The following LVRN variants were observed in gnomAD, a reference collection of about 807,000 sequenced individuals.
LVRN encodes laeverin.
LVRN carries 99 observed loss-of-function variants against 111.4 expected under a neutral mutation model. The observed-to-expected ratio is 0.89, with a 90% CI of 0.76 to 1.05. The LOEUF is 1.05. Among genes scored for constraint, LVRN ranks in the 50% least tolerant of loss-of-function variants. The pLI, the probability that LVRN is intolerant of heterozygous loss-of-function variation, is 0.00. For synonymous variants in LVRN, 488 were observed against 449.5 expected, an observed-to-expected ratio of 1.09 and a Z score of -1.08; for missense variants, 1,414 against 1,206.8, an observed-to-expected ratio of 1.17 and a Z score of -2.54.
In LVRN at chr5:116,015,313, G is replaced by C; in HGVS notation, c.2512G>C (p.Glu838Gln). The C allele has an allele frequency of 6.2e-7, 1 of 1,612,396 alleles. No individual in the cohort carries two copies. The highest frequency in any genetic ancestry group is 1.3e-5 in the African/African-American group (1 of 75,006). ...CYGIALGSDKEWDILLNTYTN... is the reference protein window; with the variant it reads ...CYGIALGSDKQWDILLNTYTN... The stretch of plus-strand genomic sequence containing the variant: ...TGGCATTGCCTTGGGAAGTGATAAA[G>C]AGTGGGACATCTTGTTAAATACTTA... Residue 838 changes from glutamate (E) to glutamine (Q), a missense_variant, in exon 17 of 20, where the codon GAG (glutamate) becomes CAG (glutamine). By Grantham distance (29) the Glu-to-Gln change is conservative (BLOSUM62 2). Transcript: ENST00000357872.
In LVRN at chr5:116,015,782, G is replaced by T. The variant is rs1274965106; in HGVS notation, c.2756+17G>T. ...GAGTAAAAGGTAAGAAGGAAAGTGAGACCTTTCTTTCATTTAGGCCACTGG... is the reference window on the plus strand; with the variant it reads ...GAGTAAAAGGTAAGAAGGAAAGTGATACCTTTCTTTCATTTAGGCCACTGG... On this transcript the variant is annotated intron_variant, in intron 18 of 19. Transcript: ENST00000357872. The T allele has an allele frequency of 6.2e-7, 1 of 1,611,214 alleles. No individual in the cohort carries two copies. The highest frequency in any genetic ancestry group is 1.7e-5 in the Admixed American group (1 of 59,646).
chr5:116,010,925 A>G (rs780796200), intron 14 of LVRN, 31 bp downstream of exon 14: 42 of 1,486,446 alleles, frequency 2.8e-5, no homozygotes, highest in Middle Eastern at 2.4e-4. Flanking sequence ...GTAGTTTTTA[A>G]ATAAATCCTC....
At chr5:116,007,687 A>G (rs1541803) in intron 13 of LVRN, among the ~76,000 whole-genome samples, 117,170 of 152,110 alleles carry the variant, frequency 0.77, 45,772 homozygotes, top group Non-Finnish European at 0.83. Flanking sequence ...GTTTTATTGT[A>G]CTTTGCTTTA....
intron 6 of LVRN, among the ~76,000 whole-genome samples, chr5:115,999,377 G>C (rs1368498859): frequency 6.6e-6 from 1 of 152,122 alleles, no homozygotes; most frequent in Non-Finnish European, 1.5e-5. Flanking sequence ...ATTCATGAAA[G>C]AGAGACTGAT....
Position 115,992,150 on chromosome 5 carries a change from A to G in LVRN, c.1133A>G (p.Asn378Ser), listed in dbSNP as rs1475455674. The change falls in exon 5 of 20, where the codon AAC (asparagine) becomes AGC (serine). Residue 378 changes from asparagine to serine, a missense_variant. Coordinates refer to ENST00000357872, the MANE Select transcript of LVRN (RefSeq NM_173800.5). ...TDIIALPSFD[N>S]HAMENWGLMI... is the part of the protein sequence containing the mutation. ...ATAATTGCCTTGCCTAGTTTTGACA[A>G]CCATGCAATGGAAAACTGGGGACTA... 1 of 1,613,656 alleles carries G rather than the reference A, an allele frequency of 6.2e-7. No homozygotes were observed. The highest frequency in any genetic ancestry group is 2.2e-5 in the East Asian group (1 of 44,866).
intron 12 of LVRN, 92 bp downstream of exon 12, chr5:116,003,472 C>A: frequency 1.2e-6 from 1 of 828,254 alleles, no homozygotes; most frequent in Non-Finnish European, 1.7e-6. Context: ...GAAGAGATTC[C>A]ACCTTCATTC....
At chr5:116,024,569 G>A (rs892068976) in intron 19 of LVRN, among the ~76,000 whole-genome samples, 3 of 152,128 alleles carry the variant, frequency 2.0e-5, no homozygotes, top group Non-Finnish European at 4.4e-5. Context: ...AGAACATGCT[G>A]GTACAAAAGC....
intron 14 of LVRN, 56 bp downstream of exon 14, chr5:116,010,950 T>A: frequency 7.6e-7 from 1 of 1,317,028 alleles, no homozygotes; most frequent in Non-Finnish European, 9.9e-7. Flanking sequence ...CTTCTTTTCA[T>A]ATTTTAGCCA....
Position 115,977,010 on chromosome 5 carries a change from A to G in LVRN, c.696-6277A>G, listed in dbSNP as rs1329639632. On this transcript the variant is annotated intron_variant, in intron 1 of 19. Coordinates refer to ENST00000357872, the MANE Select transcript of LVRN (RefSeq NM_173800.5). ...GTTGAATAATCTATATATTCTGAAGATTTCAATACTCTGGCTTGAGAAAAT... is the reference window on the plus strand; with the variant it reads ...GTTGAATAATCTATATATTCTGAAGGTTTCAATACTCTGGCTTGAGAAAAT... 3.9e-5 allele frequency among the ~76,000 whole-genome samples: 6 copies of G among 152,146 alleles called. No individual in the cohort carries two copies. In the East Asian group the frequency reaches 1.2e-3, roughly 29 times the overall value.
chr5:115,963,673 A>C (rs1343095552), intron 1 of LVRN, among the ~76,000 whole-genome samples: 1 of 152,146 alleles, frequency 6.6e-6, no homozygotes, highest in Non-Finnish European at 1.5e-5. Context: ...ACACTTGGAC[A>C]CAGGAAGGGG....
chr5:115,990,980 C>T (rs967750705), intron 4 of LVRN, among the ~76,000 whole-genome samples: 1 of 152,110 alleles, frequency 6.6e-6, no homozygotes, highest in African/African-American at 2.4e-5. Context: ...TTTCTTCTCC[C>T]TCCTTTCTCC....
intron 1 of LVRN, among the ~76,000 whole-genome samples, chr5:115,967,825 A>T (rs1027529383): frequency 2.0e-5 from 3 of 152,186 alleles, no homozygotes; most frequent in Admixed American, 6.5e-5. Context: ...TCACACTTAA[A>T]TATTTAAGTT....
chr5:115,987,020 T>A (rs1747884843), intron 3 of LVRN, among the ~76,000 whole-genome samples: 1 of 151,612 alleles, frequency 6.6e-6, no homozygotes, highest in African/African-American at 2.4e-5. Flanking sequence ...GGCAATTCTA[T>A]TAAAAATTAC....
At chr5:116,015,458 G>T (rs745507990) in intron 17 of LVRN, 39 bp downstream of exon 17, 1 of 1,496,756 alleles carries the variant, frequency 6.7e-7, no homozygotes. Flanking sequence ...TTCTGTTATA[G>T]GAATTAAATT....
At chr5:115,991,409 G>T (rs139103893) in intron 4 of LVRN, among the ~76,000 whole-genome samples, 67 of 152,308 alleles carry the variant, frequency 4.4e-4, no homozygotes, top group Middle Eastern at 6.8e-3. Flanking sequence ...ATACTCTGTT[G>T]TATTGATGTA....
intron 18 of LVRN, among the ~76,000 whole-genome samples, chr5:116,016,335 C>T (rs1004755992): frequency 6.6e-6 from 1 of 152,118 alleles, no homozygotes; most frequent in African/African-American, 2.4e-5. Flanking sequence ...ACTAATTAAA[C>T]AGACATATTT....
chr5:115,982,822 T>G (rs994942480), intron 1 of LVRN, among the ~76,000 whole-genome samples: 3 of 152,212 alleles, frequency 2.0e-5, no homozygotes, highest in Admixed American at 6.5e-5. Flanking sequence ...ATAAAACTTT[T>G]TGTAAGTTTT....
intron 6 of LVRN, among the ~76,000 whole-genome samples, chr5:115,996,588 T>C (rs567576494): frequency 4.7e-4 from 71 of 152,282 alleles, no homozygotes; most frequent in Middle Eastern, 6.8e-3. Context: ...TCATAGACCC[T>C]TATGCAGAAA....
In LVRN at chr5:115,984,676, T is replaced by C. The variant is rs1266218996; in HGVS notation, c.945T>C (p.Tyr315=). 3 of 1,613,550 alleles carry C rather than the reference T, an allele frequency of 1.9e-6. No homozygotes were observed. Among genetic ancestry groups the C allele is most frequent in the Middle Eastern group, 1.6e-4 (1 of 6,082 alleles). ...TAGTCGCATTTGTTATATGTGACTATGACCACGTCAACAGAACAGAAAGGG... is the reference window on the plus strand; with the variant it reads ...TAGTCGCATTTGTTATATGTGACTACGACCACGTCAACAGAACAGAAAGGG... ...TYLVAFVICD[Y]DHVNRTERGK... The change falls in exon 3 of 20, where the codon TAT becomes TAC. Residue 315 remains tyrosine, a synonymous_variant. Transcript: ENST00000357872.
Sources: allele counts gnomAD v4.1 joint callset (sites outside exome capture counted in the v4.1 genomes callset), GRCh38; gene constraint gnomAD v4.1.1; transcripts MANE v1.5; gene names NCBI Gene and HGNC (gene_info 2026-07-23, HGNC 2026-07-21).